Variants in HDAC9 observed in about 807,000 individuals in gnomAD.
The protein encoded by HDAC9 is MEF-2 interacting transcription repressor (MITR) protein.
A neutral mutation model predicts 139.4 loss-of-function variants in HDAC9; 41 were observed. That is an observed-to-expected ratio of 0.29 (90% CI 0.23 to 0.38). The LOEUF (loss-of-function observed/expected upper bound fraction) is 0.38. Among genes scored for constraint, HDAC9 ranks in the 10% least tolerant of loss-of-function variants. The probability of loss-of-function intolerance (pLI) is 1.00; values close to 1 mark genes in which losing one functional copy is unlikely to be tolerated. For synonymous variants in HDAC9, 517 were observed against 476.2 expected (o/e 1.09, Z -1.12); for missense variants, 1,147 against 1,297.0 (o/e 0.88, Z 1.78).
At chr7:18,265,853 A>G (rs1034434138) in intron 2 of HDAC9, among the ~76,000 whole-genome samples, 3 of 152,166 alleles carry the variant, frequency 2.0e-5, no homozygotes, top group African/African-American at 7.2e-5. Context: ...TTGGCCTTCC[A>G]CAGATAATAT....
At chr7:18,725,819 A>G (rs1267874693) in intron 12 of HDAC9, among the ~76,000 whole-genome samples, 2 of 152,196 alleles carry the variant, frequency 1.3e-5, no homozygotes, top group Non-Finnish European at 2.9e-5. Context: ...TGTCCTCAGA[A>G]CACTGAACAC....
chr7:18,245,772 C>T (rs902434659), intron 2 of HDAC9, among the ~76,000 whole-genome samples: 1 of 152,086 alleles, frequency 6.6e-6, no homozygotes, highest in African/African-American at 2.4e-5. Context: ...AAAGTCCCTC[C>T]TGTACTTAAG....
intron 12 of HDAC9, chr7:18,667,225 A>G: frequency 1.0e-6 from 1 of 985,366 alleles, no homozygotes; most frequent in Non-Finnish European, 1.2e-6. Context: ...AAAAAAGAGC[A>G]AATGAAGCAG....
intron 1 of HDAC9, among the ~76,000 whole-genome samples, chr7:18,354,454 G>A (rs932680298): frequency 1.3e-5 from 2 of 152,150 alleles, no homozygotes; most frequent in African/African-American, 4.8e-5. Flanking sequence ...GAGGAGAGAA[G>A]AATTAATCGC....
At position 18,456,084 on chromosome 7, in the gene HDAC9, G is replaced by A. The variant is rs112348678; in HGVS notation, c.-41-40178G>A. Among the ~76,000 whole-genome samples, 1,181 of 152,006 alleles carry A rather than the reference G, an allele frequency of 7.8e-3. 15 individuals are homozygous for A. Among genetic ancestry groups the A allele is most frequent in the African/African-American group, 0.027 (1,118 of 41,426 alleles). Reference sequence around the variant, plus strand: ...ATGTAATGACATATTACATAAATAGGGTCCCCAGCACATTTTATTTCCTTG... The same window carrying A: ...ATGTAATGACATATTACATAAATAGAGTCCCCAGCACATTTTATTTCCTTG... On this transcript the variant is annotated intron_variant, in intron 1 of 3. Coordinates refer to the HDAC9 transcript ENST00000413509.
intron 1 of HDAC9, among the ~76,000 whole-genome samples, chr7:18,331,632 A>T (rs79459106): frequency 0.35 from 52,408 of 151,152 alleles, 10,556 homozygotes; most frequent in Non-Finnish European, 0.44. Context: ...TAATAAAAAA[A>T]TTTTAAAAAA....
chr7:18,175,780 C>T (rs1365605227), intron 2 of HDAC9, among the ~76,000 whole-genome samples: 55 of 118,656 alleles, frequency 4.6e-4, no homozygotes, highest in African/African-American at 1.5e-3. Context: ...CCCCCCCCCC[C>T]TTTTTTTAGA....
chr7:18,183,976 T>C (rs763185246), intron 2 of HDAC9, among the ~76,000 whole-genome samples: 1 of 152,242 alleles, frequency 6.6e-6, no homozygotes, highest in Non-Finnish European at 1.5e-5. Flanking sequence ...CTATTGCCTT[T>C]AAAATATATA....
rs370300129 is a variant in HDAC9 at position 18,590,328 on chromosome 7, C to G, written c.265-8C>G. The G allele has an allele frequency of 3.0e-5, 49 of 1,611,904 alleles. No individual in the cohort carries two copies. Among genetic ancestry groups the G allele is most frequent in the Non-Finnish European group, 4.0e-5 (47 of 1,179,094 alleles). The stretch of plus-strand genomic sequence containing the variant: ...TTGCACACTCTCATGTCTTTCTCTT[C>G]TCGCAAGTTGCAACAGGAACTTCTA... On this transcript the variant is annotated splice_region_variant and splice_polypyrimidine_tract_variant and intron_variant, in intron 3 of 25. Coordinates refer to ENST00000686413, the MANE Select transcript of HDAC9 (RefSeq NM_178425.4).
chr7:18,274,639 A>T (rs1419002954), intron 2 of HDAC9, among the ~76,000 whole-genome samples: 1 of 152,222 alleles, frequency 6.6e-6, no homozygotes, highest in Admixed American at 6.5e-5. Context: ...AGGAAAATGG[A>T]TAAATAATTT....
At chr7:18,308,681 T>G (rs1799092875) in intron 1 of HDAC9, among the ~76,000 whole-genome samples, 1 of 152,180 alleles carries the variant, frequency 6.6e-6, no homozygotes, top group Non-Finnish European at 1.5e-5. Flanking sequence ...GAAACTATAT[T>G]AAGCAAGGAT....
chr7:18,259,644 C>T (rs1369348284), intron 2 of HDAC9, among the ~76,000 whole-genome samples: 3 of 152,266 alleles, frequency 2.0e-5, no homozygotes, highest in South Asian at 2.1e-4. Flanking sequence ...AGATTACAGG[C>T]GTGAGCCATC....
intron 2 of HDAC9, among the ~76,000 whole-genome samples, chr7:18,571,169 G>T (rs553550236): frequency 2.6e-5 from 4 of 152,114 alleles, no homozygotes; most frequent in African/African-American, 9.7e-5. Context: ...ATGTTTTAAC[G>T]TTCAATTTTT....
intron 11 of HDAC9, among the ~76,000 whole-genome samples, chr7:18,652,334 A>ATTTTGTTT (rs1789546557): frequency 6.6e-6 from 1 of 152,092 alleles, no homozygotes; most frequent in South Asian, 2.1e-4. Context: ...AAAAGTAATA[A>ATTTTGTTT]GGTATTGGTA....
At chr7:18,439,606 G>T (rs1251546196) in intron 1 of HDAC9, among the ~76,000 whole-genome samples, 1 of 152,106 alleles carries the variant, frequency 6.6e-6, no homozygotes, top group Non-Finnish European at 1.5e-5. Context: ...GAGGTCCTAG[G>T]TCTCATTACT....
intron 6 of HDAC9, among the ~76,000 whole-genome samples, chr7:18,599,974 G>GTTT (rs35922999): frequency 6.7e-6 from 1 of 148,968 alleles, no homozygotes; most frequent in Non-Finnish European, 1.5e-5. Context: ...TGTATTTTAA[G>GTTT]TTTTTTTTTT....
chr7:18,106,679 C>G (rs555141224), intron 1 of HDAC9, among the ~76,000 whole-genome samples: 10 of 152,182 alleles, frequency 6.6e-5, no homozygotes, highest in Non-Finnish European at 1.5e-5. Flanking sequence ...GTCTTGAACT[C>G]CTAACCTCAA....
At chr7:18,641,840 A>C (rs1018178979) in intron 8 of HDAC9, among the ~76,000 whole-genome samples, 4 of 152,098 alleles carry the variant, frequency 2.6e-5, no homozygotes, top group African/African-American at 9.7e-5. Context: ...CCAATCTGTT[A>C]GTCTGACTTT....
intron 12 of HDAC9, among the ~76,000 whole-genome samples, chr7:18,699,183 C>T (rs575597480): frequency 2.6e-4 from 40 of 152,238 alleles, no homozygotes; most frequent in Non-Finnish European, 4.0e-4. Flanking sequence ...TCTAAATTTG[C>T]ATTTCTCAAC....
Sources: allele counts gnomAD v4.1 joint callset (sites outside exome capture counted in the v4.1 genomes callset), GRCh38; gene constraint gnomAD v4.1.1; transcripts MANE v1.5; gene names NCBI Gene and HGNC (gene_info 2026-07-23, HGNC 2026-07-21).